Variants in C10orf143 observed in about 807,000 individuals in gnomAD.
C10orf143 encodes chromosome 10 open reading frame 143.
chr10:130,104,557 G>C (rs1470788043), intron 1 of C10orf143: 1 of 152,196 alleles, frequency 6.6e-6, no homozygotes, highest in African/African-American at 2.4e-5. Flanking sequence ...GGCAGAGAGA[G>C]GACAGAAAAC....
In C10orf143 at chr10:130,052,809, A is replaced by C. The variant is rs556498415; in HGVS notation, c.298-16839T>G. Among the ~76,000 whole-genome samples the C allele has an allele frequency of 1.9e-4, 29 of 152,380 alleles. No individual in the cohort carries two copies. The Middle Eastern group carries it at 0.017, about 89-fold the overall frequency. On this transcript the variant is annotated intron_variant and NMD_transcript_variant, in intron 3 of 5. Transcript: ENST00000643056. ...ACCCTTGAAGATAAAGAAAATTATT[A>C]GTAGAGCATTTGAAAATTCTTGCAT...
intron 1 of C10orf143, among the ~76,000 whole-genome samples, chr10:130,091,888 C>A (rs533632263): frequency 6.6e-6 from 1 of 152,204 alleles, no homozygotes; most frequent in Non-Finnish European, 1.5e-5. Flanking sequence ...AAGGAATGAA[C>A]CAAGCCTCCA....
intron 3 of C10orf143, among the ~76,000 whole-genome samples, chr10:130,050,558 C>T (rs1475629251): frequency 6.6e-6 from 1 of 152,138 alleles, no homozygotes; most frequent in Non-Finnish European, 1.5e-5. Context: ...TCAGAATCAT[C>T]TTAGTCACAA....
chr10:130,094,938 C>T (rs1209086729), intron 1 of C10orf143, among the ~76,000 whole-genome samples: 1 of 152,144 alleles, frequency 6.6e-6, no homozygotes, highest in Non-Finnish European at 1.5e-5. Flanking sequence ...GTCAAGTTGT[C>T]TCTGCTTGCA....
At chr10:130,061,549 C>T (rs1860857850), downstream of C10orf143, among the ~76,000 whole-genome samples, 1 of 152,112 alleles carries the variant, frequency 6.6e-6, no homozygotes, top group Non-Finnish European at 1.5e-5. Flanking sequence ...TATATCCCCC[C>T]AAAAGCAATA....
intron 1 of C10orf143, among the ~76,000 whole-genome samples, chr10:130,086,106 A>C (rs535249341): frequency 1.3e-5 from 2 of 152,250 alleles, no homozygotes; most frequent in African/African-American, 4.8e-5. Context: ...ACCACGCAAA[A>C]TACTTTCAAT....
At chr10:130,098,589 C>T (rs1861498679) in intron 1 of C10orf143, among the ~76,000 whole-genome samples, 1 of 152,188 alleles carries the variant, frequency 6.6e-6, no homozygotes, top group Non-Finnish European at 1.5e-5. Flanking sequence ...AACCAAAAAG[C>T]CTTTCCTGAA....
At chr10:130,040,169 C>T (rs939041974) in intron 3 of C10orf143, among the ~76,000 whole-genome samples, 9 of 152,176 alleles carry the variant, frequency 5.9e-5, no homozygotes, top group African/African-American at 2.2e-4. Context: ...ATTTCAGCAG[C>T]CAGCATCAGT....
At chr10:130,045,334 G>A (rs1860654555) in intron 3 of C10orf143, among the ~76,000 whole-genome samples, 1 of 152,216 alleles carries the variant, frequency 6.6e-6, no homozygotes, top group African/African-American at 2.4e-5. Context: ...TCCCGACTCC[G>A]AGGTCCTGCT....
chr10:130,062,563 C>T (rs960962230), downstream of C10orf143, among the ~76,000 whole-genome samples: 17 of 152,170 alleles, frequency 1.1e-4, no homozygotes, highest in African/African-American at 4.1e-4. Context: ...CTTGGACTTA[C>T]ACCAGTGGTT....
chr10:130,108,303 C>T (rs1488638081), intron 1 of C10orf143: 33 of 1,564,278 alleles, frequency 2.1e-5, no homozygotes, highest in Non-Finnish European at 2.8e-5. Context: ...AATGTCTATC[C>T]ACCGAGGGGT....
intron 3 of C10orf143, among the ~76,000 whole-genome samples, chr10:130,037,360 C>A (rs1220645837): frequency 6.6e-6 from 1 of 152,248 alleles, no homozygotes. Flanking sequence ...AGCCCACTTG[C>A]ATCCTAGAGG....
At chr10:130,063,206 C>G (rs1860875757), downstream of C10orf143, among the ~76,000 whole-genome samples, 1 of 152,138 alleles carries the variant, frequency 6.6e-6, no homozygotes, top group Non-Finnish European at 1.5e-5. Context: ...CCACCTGACA[C>G]CGGGTGGACA....
intron 3 of C10orf143, among the ~76,000 whole-genome samples, chr10:130,042,691 G>A (rs972508302): frequency 4.6e-5 from 7 of 152,184 alleles, no homozygotes; most frequent in Non-Finnish European, 7.3e-5. Context: ...CAGAGCTGCC[G>A]AAAGCCACAT....
intron 1 of C10orf143, among the ~76,000 whole-genome samples, chr10:130,102,308 T>C (rs939212199): frequency 2.6e-5 from 4 of 152,088 alleles, no homozygotes; most frequent in African/African-American, 9.7e-5. Flanking sequence ...TTTGAGACAC[T>C]CTCACTCTGC....
intron 1 of C10orf143, among the ~76,000 whole-genome samples, chr10:130,089,489 T>C (rs560517191): frequency 6.6e-6 from 1 of 152,284 alleles, no homozygotes; most frequent in African/African-American, 2.4e-5. Context: ...AAAAAAACCT[T>C]AGCCAACTTG....
At chr10:130,103,332 C>A (rs1200265575) in intron 1 of C10orf143, among the ~76,000 whole-genome samples, 1 of 152,080 alleles carries the variant, frequency 6.6e-6, no homozygotes, top group Admixed American at 6.6e-5. Flanking sequence ...AGTTTTATCT[C>A]TACTAAAATT....
At chr10:130,077,956 C>G (rs1375918542) in intron 3 of C10orf143, among the ~76,000 whole-genome samples, 2 of 151,978 alleles carry the variant, frequency 1.3e-5, no homozygotes, top group Non-Finnish European at 2.9e-5. Context: ...TTGAGAATAA[C>G]TACAAATAAA....
chr10:130,093,214 C>T (rs1418400508), intron 1 of C10orf143, among the ~76,000 whole-genome samples: 1 of 152,178 alleles, frequency 6.6e-6, no homozygotes, highest in Non-Finnish European at 1.5e-5. Flanking sequence ...TCAAAACAGT[C>T]TCTCAGACCA....
Sources: allele counts gnomAD v4.1 joint callset (sites outside exome capture counted in the v4.1 genomes callset), GRCh38; gene constraint gnomAD v4.1.1; transcripts MANE v1.5; gene names NCBI Gene and HGNC (gene_info 2026-07-23, HGNC 2026-07-21).